RANBP2: variants seen among roughly 807,000 people sequenced by gnomAD.
The protein encoded by RANBP2 is RAN binding protein 2.
A neutral mutation model predicts 303.6 loss-of-function variants in RANBP2; 57 were observed. The ratio of observed to expected loss-of-function variants is 0.19; its 90% confidence interval spans 0.15 to 0.23. RANBP2 has a LOEUF of 0.23. RANBP2 is among the 10% of genes least tolerant of loss of function. The probability of loss-of-function intolerance (pLI) is 1.00; values close to 1 mark genes in which losing one functional copy is unlikely to be tolerated. For synonymous variants in RANBP2, 1,167 were observed against 1,301.5 expected (o/e 0.90, Z 2.23); for missense variants, 3,138 against 3,780.8 (o/e 0.83, Z 4.46).
the RANBP2 span, among the ~76,000 whole-genome samples, chr2:109,460,026 A>G: frequency 6.6e-6 from 1 of 152,204 alleles, no homozygotes; most frequent in Admixed American, 6.5e-5. Context: ...TGAGTCTTCA[A>G]AAGGTCATTC....
chr2:109,386,413 GT>G, the RANBP2 span, among the ~76,000 whole-genome samples: 1 of 150,488 alleles, frequency 6.6e-6, no homozygotes, highest in African/African-American at 2.4e-5. Flanking sequence ...GTTACAAGAA[GT>G]TTAAAAAAAA....
chr2:109,580,156 A>G, the RANBP2 span, among the ~76,000 whole-genome samples: 1 of 151,820 alleles, frequency 6.6e-6, no homozygotes, highest in African/African-American at 2.4e-5. Context: ...ACAGGCTAAA[A>G]AAACTTCACT....
chr2:109,152,449 A>C, the RANBP2 span, among the ~76,000 whole-genome samples: 1 of 152,380 alleles, frequency 6.6e-6, no homozygotes, highest in East Asian at 1.9e-4. Flanking sequence ...CGAGAGCATA[A>C]TAGCCTTGTT....
intron 17 of RANBP2, among the ~76,000 whole-genome samples, chr2:108,757,947 A>G (rs943232782): frequency 1.3e-5 from 2 of 152,226 alleles, no homozygotes; most frequent in East Asian, 3.8e-4. Flanking sequence ...ATTAAGAATC[A>G]TATTTTAAAA....
At chr2:109,723,476 G>A in the RANBP2 span, among the ~76,000 whole-genome samples, 1 of 152,188 alleles carries the variant, frequency 6.6e-6, no homozygotes, top group African/African-American at 2.4e-5. Context: ...ACTGGAATAA[G>A]ATGGTATCTC....
the RANBP2 span, among the ~76,000 whole-genome samples, chr2:109,333,367 C>T: frequency 6.6e-6 from 1 of 152,190 alleles, no homozygotes; most frequent in Non-Finnish European, 1.5e-5. Flanking sequence ...TTGGTTTCAG[C>T]ATCAGATGTT....
At chr2:109,354,646 C>T in the RANBP2 span, among the ~76,000 whole-genome samples, 1 of 152,364 alleles carries the variant, frequency 6.6e-6, no homozygotes, top group Non-Finnish European at 1.5e-5. Context: ...CAAGATGTGC[C>T]TTTGTAGTGG....
chr2:109,652,258 T>C, the RANBP2 span, among the ~76,000 whole-genome samples: 1 of 151,710 alleles, frequency 6.6e-6, no homozygotes, highest in South Asian at 2.1e-4. Flanking sequence ...AGTCTCGCTC[T>C]GTCACTCAGT....
chr2:109,486,162 T>G, the RANBP2 span, among the ~76,000 whole-genome samples: 2 of 152,250 alleles, frequency 1.3e-5, no homozygotes, highest in Non-Finnish European at 2.9e-5. Context: ...CATTACTCTT[T>G]GTCGTCTGGA....
At chr2:108,894,599 A>G in the RANBP2 span, 1 of 152,508 alleles carries the variant, frequency 6.6e-6, no homozygotes, top group African/African-American at 2.4e-5. Flanking sequence ...GGTGTTTTCT[A>G]AATGTTTTAA....
chr2:109,060,156 C>G, the RANBP2 span, among the ~76,000 whole-genome samples: 1 of 151,978 alleles, frequency 6.6e-6, no homozygotes, highest in South Asian at 2.1e-4. Flanking sequence ...GAGCCAAGAT[C>G]GCGCCACTGC....
chr2:109,142,376 A>G, the RANBP2 span, among the ~76,000 whole-genome samples: 26 of 152,220 alleles, frequency 1.7e-4, no homozygotes, highest in Admixed American at 7.2e-4. Flanking sequence ...TGATTTTAAT[A>G]GGACCCCAAA....
At chr2:109,183,758 G>C in the RANBP2 span, among the ~76,000 whole-genome samples, 1 of 152,306 alleles carries the variant, frequency 6.6e-6, no homozygotes, top group South Asian at 2.1e-4. Context: ...GCTCGGTCAG[G>C]TCAGGAATTA....
At chr2:109,283,085 T>C in the RANBP2 span, among the ~76,000 whole-genome samples, 1 of 152,320 alleles carries the variant, frequency 6.6e-6, no homozygotes, top group African/African-American at 2.4e-5. Flanking sequence ...GCCAGAGTCA[T>C]GGGCAGCAGC....
the RANBP2 span, chr2:109,614,918 G>T: frequency 2.0e-6 from 3 of 1,472,502 alleles, no homozygotes; most frequent in Admixed American, 2.3e-5. Flanking sequence ...CCGCCCCCGC[G>T]CACTGGCCGC....
chr2:109,413,645 C>G, the RANBP2 span, among the ~76,000 whole-genome samples: 2 of 152,232 alleles, frequency 1.3e-5, no homozygotes, highest in African/African-American at 4.8e-5. Context: ...CTCTGGCCCC[C>G]ACATTCCCCT....
the RANBP2 span, among the ~76,000 whole-genome samples, chr2:109,519,107 C>T: frequency 6.6e-5 from 10 of 151,696 alleles, no homozygotes; most frequent in Admixed American, 1.3e-4. Context: ...TTAGTAGAGA[C>T]GGGGTTTCAC....
chr2:108,825,306 A>T, the RANBP2 span, among the ~76,000 whole-genome samples: 3 of 152,072 alleles, frequency 2.0e-5, no homozygotes, highest in African/African-American at 7.2e-5. Context: ...TAACAGCTTT[A>T]TTGAGATATA....
the RANBP2 span, among the ~76,000 whole-genome samples, chr2:109,609,102 A>G: frequency 6.6e-6 from 1 of 152,216 alleles, no homozygotes; most frequent in Non-Finnish European, 1.5e-5. Context: ...TATAATGAAA[A>G]TCGGTCTGGG....
Sources: gnomAD v4.1 joint callset for allele counts (sites outside exome capture counted in the v4.1 genomes callset) on GRCh38, gnomAD v4.1.1 for gene constraint, MANE v1.5 for transcripts, NCBI Gene and HGNC (gene_info 2026-07-23, HGNC 2026-07-21) for gene names.